MIGA1: variants seen among roughly 807,000 people sequenced by gnomAD.
MIGA1 encodes the protein family with sequence similarity 73, member A.
Under a neutral mutation model 82.0 loss-of-function variants are expected in MIGA1, and 58 were observed. That is an observed-to-expected ratio of 0.71 (90% CI 0.57 to 0.88). The LOEUF is 0.88. Among genes scored for constraint, MIGA1 ranks in the 40% least tolerant of loss-of-function variants. The pLI, the probability that MIGA1 is intolerant of heterozygous loss-of-function variation, is 0.00. For missense variants in MIGA1, 751 were observed against 749.1 expected (o/e 1.00, Z -0.03); for synonymous variants, 249 against 253.6 (o/e 0.98, Z 0.17).
intron 9 of MIGA1, 114 bp from the exon 10 acceptor site, chr1:77,859,200 G>GA (rs1167331010): frequency 4.9e-6 from 5 of 1,019,958 alleles, no homozygotes; most frequent in East Asian, 2.4e-5. Flanking sequence ...TGTCAGTATT[G>GA]AAAAAACATG....
At position 77,854,095 on chromosome 1, in the gene MIGA1, C is replaced by T. The variant is rs373472246; in HGVS notation, c.997-4843C>T. 1.4e-3 allele frequency among the ~76,000 whole-genome samples: 208 copies of T among 152,256 alleles called. 7 individuals are homozygous for T. In the South Asian group the frequency reaches 0.04, roughly 29 times the overall value. On this transcript the variant is annotated intron_variant, in intron 8 of 15. Coordinates refer to ENST00000370791, the MANE Select transcript of MIGA1 (RefSeq NM_198549.4). ...CCATTGTATCATTCTTATGCCTTTGCGTCCTCATAGTTTAGCTCCCACTTA... is the reference window on the plus strand; with the variant it reads ...CCATTGTATCATTCTTATGCCTTTGTGTCCTCATAGTTTAGCTCCCACTTA...
chr1:77,815,109 A>T lies in MIGA1; in HGVS notation c.773A>T (p.Asp258Val), dbSNP rs765416500. Residue 258 changes from aspartate to valine, a missense_variant and splice_region_variant, in exon 7 of 16, where the codon GAT (aspartate) becomes GTT (valine). Asp to Val is a radical substitution (Grantham distance 152). Around this residue, in one of 3 missense-constraint regions of MIGA1, gnomAD observed 482 missense variants for 439.4 expected, o/e 1.10. Coordinates refer to ENST00000370791, the MANE Select transcript of MIGA1 (RefSeq NM_198549.4). Reference sequence around the variant, plus strand: ...TGTGTACTTTTTCTCTCCTTGTAGGATATTATTAGTACTGAATTTATCCAT... The same window carrying T: ...TGTGTACTTTTTCTCTCCTTGTAGGTTATTATTAGTACTGAATTTATCCAT... The T allele has an allele frequency of 9.0e-6, 14 of 1,558,936 alleles. No individual in the cohort carries two copies. In the South Asian group the frequency reaches 1.7e-4, roughly 19 times the overall value.
chr1:77,832,609 G>A (rs1482985765), intron 7 of MIGA1, among the ~76,000 whole-genome samples: 1 of 152,206 alleles, frequency 6.6e-6, no homozygotes. Flanking sequence ...AGCATTCCTA[G>A]CAGAGGGAAG....
intron 8 of MIGA1, among the ~76,000 whole-genome samples, chr1:77,844,039 T>A (rs1243752488): frequency 6.8e-6 from 1 of 148,116 alleles, no homozygotes; most frequent in Non-Finnish European, 1.5e-5. Flanking sequence ...AGGTCAAGAC[T>A]GCAGTGGGCC....
chr1:77,874,967 C>A lies in MIGA1; in HGVS notation c.1802C>A (p.Ala601Asp). 5 of 1,614,092 alleles carry A rather than the reference C, an allele frequency of 3.1e-6. No individual in the cohort carries two copies. The highest frequency in any genetic ancestry group is 4.2e-6 in the Non-Finnish European group (5 of 1,180,002). The change falls in exon 16 of 16, where the codon GCC becomes GAC. Residue 601 changes from alanine (A) to aspartate (D), a missense_variant. Physicochemically the swap from Ala to Asp is moderately radical, Grantham distance 126. Around this residue, in one of 3 missense-constraint regions of MIGA1, gnomAD observed 265 missense variants for 293.6 expected, o/e 0.90. Transcript: ENST00000370791. The stretch of plus-strand genomic sequence containing the variant: ...ATTCGCCGCACTGAGCTTTTAATGG[C>A]CTATCTTGAAGCAGATGCCCTGAGG...
intron 14 of MIGA1, among the ~76,000 whole-genome samples, chr1:77,869,675 G>A (rs1240532534): frequency 4.0e-5 from 5 of 125,622 alleles, no homozygotes; most frequent in African/African-American, 1.2e-4. Context: ...CCTCCCGGAC[G>A]GGGCGGCCGG....
At chr1:77,821,472 C>G (rs1171918101) in intron 7 of MIGA1, among the ~76,000 whole-genome samples, 1 of 151,426 alleles carries the variant, frequency 6.6e-6, no homozygotes, top group East Asian at 1.9e-4. Flanking sequence ...CTCAGCTCAC[C>G]GCAATCTCTG....
intron 7 of MIGA1, among the ~76,000 whole-genome samples, chr1:77,819,150 C>A (rs1422950172): frequency 6.6e-6 from 1 of 151,528 alleles, no homozygotes; most frequent in Non-Finnish European, 1.5e-5. Flanking sequence ...ATAAATATAC[C>A]TATCATCCCT....
At chr1:77,814,034 G>A (rs938195927) in intron 6 of MIGA1, among the ~76,000 whole-genome samples, 167 bp downstream of exon 6, 3 of 152,032 alleles carry the variant, frequency 2.0e-5, no homozygotes, top group Non-Finnish European at 4.4e-5. Flanking sequence ...GGACTATAGG[G>A]ATGCACCACC....
Position 77,871,125 on chromosome 1 carries a change from G to GGGAGAAGGA in MIGA1, c.1564-1878_1564-1877insGAGAAGGAG, listed in dbSNP as rs149246341. ...AGGGAGAGGGAGAGGGAGAGGGAGA[G>GGGAGAAGGA]GAGGGAGAGGGAGAGGGCAGCACAT... On this transcript the variant is annotated intron_variant, in intron 14 of 15. Coordinates refer to ENST00000370791, the MANE Select transcript of MIGA1 (RefSeq NM_198549.4). 2.7e-5 allele frequency among the ~76,000 whole-genome samples: 2 copies of GGGAGAAGGA among 74,216 alleles called. 1 individual carries two copies. Among genetic ancestry groups the GGGAGAAGGA allele is most frequent in the Non-Finnish European group, 5.2e-5 (2 of 38,218 alleles). 48.7% of individuals were successfully genotyped at this position (74,216 alleles called of 152,430 possible).
intron 5 of MIGA1, among the ~76,000 whole-genome samples, chr1:77,807,935 C>T (rs1033796681): frequency 2.0e-5 from 3 of 152,144 alleles, no homozygotes; most frequent in Non-Finnish European, 2.9e-5. Context: ...TCTCATGCCT[C>T]AGCCTCCCAA....
At chr1:77,854,119 T>C (rs567826770) in intron 8 of MIGA1, among the ~76,000 whole-genome samples, 2 of 152,326 alleles carry the variant, frequency 1.3e-5, no homozygotes, top group African/African-American at 4.8e-5. Context: ...AGCTCCCACT[T>C]ATCAGTGAGA....
intron 1 of MIGA1, among the ~76,000 whole-genome samples, chr1:77,781,390 A>G (rs1681909031): frequency 1.3e-5 from 2 of 152,246 alleles, no homozygotes; most frequent in Non-Finnish European, 2.9e-5. Context: ...GAATCTAATT[A>G]GTAAAAATGT....
chr1:77,844,405 T>G (rs1439427249), intron 8 of MIGA1, among the ~76,000 whole-genome samples: 1 of 151,894 alleles, frequency 6.6e-6, no homozygotes, highest in Non-Finnish European at 1.5e-5. Context: ...GAAACAAACG[T>G]GCGTGATATA....
At chr1:77,788,280 G>A (rs1444365606) in intron 2 of MIGA1, among the ~76,000 whole-genome samples, 1 of 152,164 alleles carries the variant, frequency 6.6e-6, no homozygotes, top group African/African-American at 2.4e-5. Flanking sequence ...TGGGATTATA[G>A]GCATGAGCCA....
Position 77,875,088 on chromosome 1 carries a change from G to C in MIGA1, c.*24G>C. 1 of 1,539,444 alleles carries C rather than the reference G, an allele frequency of 6.5e-7. No individual in the cohort carries two copies. ...AAGTACCATAAGAATCATACAATTT[G>C]AGTGTGCTATGAAATATTTTAAGGT... On this transcript the variant is annotated 3_prime_UTR_variant, in exon 16 of 16. Transcript: ENST00000370791.
Position 77,785,225 on chromosome 1 carries a change from C to A in MIGA1, c.195+1874C>A, listed in dbSNP as rs928074840. Among the ~76,000 whole-genome samples, 30 of 152,148 alleles carry A rather than the reference C, an allele frequency of 2.0e-4. 1 individual carries two copies. The highest frequency in any genetic ancestry group is 1.8e-3 in the Admixed American group (27 of 15,272). On this transcript the variant is annotated intron_variant, in intron 2 of 15. Coordinates refer to ENST00000370791, the MANE Select transcript of MIGA1 (RefSeq NM_198549.4). ...AAAATCAAAAGCAAATTAGTTACTT[C>A]CTAGATAGAATGGGGGTATGGGCAT...
rs1043489666 is a variant in MIGA1, at chr1:77,782,314, A to G, written c.82-924A>G. Among the ~76,000 whole-genome samples the G allele has an allele frequency of 1.8e-4, 27 of 152,312 alleles. 1 individual carries two copies. The highest frequency in any genetic ancestry group is 5.8e-4 in the African/African-American group (24 of 41,556). ...ATGCTTAGGCGTTTTCTTGGCCTGA[A>G]TGAAATATTCCTCAGGACTCTTGAT... is the stretch of plus-strand genomic sequence containing the variant. On this transcript the variant is annotated intron_variant, in intron 1 of 15. Coordinates refer to ENST00000370791, the MANE Select transcript of MIGA1 (RefSeq NM_198549.4).
chr1:77,812,247 T>A (rs1683370079), intron 5 of MIGA1, among the ~76,000 whole-genome samples: 1 of 152,208 alleles, frequency 6.6e-6, no homozygotes, highest in Non-Finnish European at 1.5e-5. Flanking sequence ...GGCTGGTGGA[T>A]CACCTGAGGT....
Sources: allele counts gnomAD v4.1 joint callset (sites outside exome capture counted in the v4.1 genomes callset), GRCh38; gene constraint gnomAD v4.1.1; regional missense constraint gnomAD v4.1.1; transcripts MANE v1.5; gene names NCBI Gene and HGNC (gene_info 2026-07-23, HGNC 2026-07-21).